Variants in SMAD2 observed in about 807,000 individuals in gnomAD.
SMAD2 encodes SMAD family member 2, also known as MAD homolog 2.
SMAD2 carries 8 observed loss-of-function variants against 64.4 expected under a neutral mutation model. The observed-to-expected ratio is 0.12, with a 90% confidence interval of 0.07 to 0.22. The LOEUF is 0.22. SMAD2 is among the 10% of genes least tolerant of loss of function. The pLI is 1.00. For synonymous variants in SMAD2, 203 were observed against 195.8 expected (o/e 1.04, Z -0.31); for missense variants, 289 against 561.2 (o/e 0.51, Z 4.90).
At position 47,907,306 on chromosome 18, in the gene SMAD2, T is replaced by C. The variant is rs540109965; in HGVS notation, c.-53-10497A>G. Among the ~76,000 whole-genome samples, 5 of 152,244 alleles carry C rather than the reference T, an allele frequency of 3.3e-5. No homozygotes were observed. In the East Asian group the frequency reaches 5.8e-4, roughly 18 times the overall value. On this transcript the variant is annotated intron_variant, in intron 1 of 10. Transcript: ENST00000262160. ...ATCAAAAGAAAACAAATAATTATAG[T>C]GTGCTCATAAAAAGGAATACTGCTC... is the stretch of plus-strand genomic sequence containing the variant.
chr18:47,847,923 G>T (rs1247816188), intron 8 of SMAD2, among the ~76,000 whole-genome samples: 1 of 152,080 alleles, frequency 6.6e-6, no homozygotes, highest in Non-Finnish European at 1.5e-5. Flanking sequence ...CAAACTAGCT[G>T]AAAGGGTTTC....
Position 47,905,648 on chromosome 18 carries a change from T to G in SMAD2, c.-53-8839A>C, listed in dbSNP as rs556043658. 2.6e-5 allele frequency among the ~76,000 whole-genome samples: 4 copies of G among 152,280 alleles called. No individual in the cohort carries two copies. The East Asian group carries it at 7.7e-4, about 29-fold the overall frequency. ...CATATACAGTCAACTCATTTTCCAGTAAGGCCCAAGGTCAATCTAGTTTTC... is the reference window on the plus strand; with the variant it reads ...CATATACAGTCAACTCATTTTCCAGGAAGGCCCAAGGTCAATCTAGTTTTC... On this transcript the variant is annotated intron_variant, in intron 1 of 10. Coordinates refer to ENST00000262160, the MANE Select transcript of SMAD2 (RefSeq NM_005901.6).
chr18:47,908,631 T>A (rs760801966), intron 1 of SMAD2, among the ~76,000 whole-genome samples: 1 of 152,158 alleles, frequency 6.6e-6, no homozygotes, highest in Non-Finnish European at 1.5e-5. Context: ...AGTTGAGAAA[T>A]GTAAACATTC....
rs1442898998 is a variant in SMAD2 at position 47,840,559 on chromosome 18, T to C, written c.*1268A>G. ...TTTTAAAATTCTGAATTCATAATTATGTGTAGAATAACAATCAATTTATAA... is the reference window on the plus strand; with the variant it reads ...TTTTAAAATTCTGAATTCATAATTACGTGTAGAATAACAATCAATTTATAA... On this transcript the variant is annotated 3_prime_UTR_variant, in exon 11 of 11. Coordinates refer to ENST00000262160, the MANE Select transcript of SMAD2 (RefSeq NM_005901.6). 4.3e-6 allele frequency: 1 copy of C among 232,246 alleles called. No homozygotes were observed. The highest frequency in any genetic ancestry group is 2.2e-5 in the African/African-American group (1 of 45,300). The allele number at this position is 232,246 out of a possible 1,614,324, so 14.4% of individuals were successfully genotyped here.
intron 2 of SMAD2, among the ~76,000 whole-genome samples, chr18:47,885,197 C>T (rs28683114): frequency 6.7e-6 from 1 of 149,096 alleles, no homozygotes. Context: ...ACCCTCCCCC[C>T]CCAAGACAGT....
intron 1 of SMAD2, among the ~76,000 whole-genome samples, chr18:47,928,673 C>T (rs533458676): frequency 6.6e-6 from 1 of 152,306 alleles, no homozygotes; most frequent in African/African-American, 2.4e-5. Flanking sequence ...CCACTTATGA[C>T]TAAGTAAACG....
At chr18:47,907,788 C>CA (rs2033964969) in intron 1 of SMAD2, among the ~76,000 whole-genome samples, 1 of 152,072 alleles carries the variant, frequency 6.6e-6, no homozygotes, top group South Asian at 2.1e-4. Context: ...CCTGTCTCTA[C>CA]AAAAAATACA....
At chr18:47,889,519 C>A (rs974149317) in intron 2 of SMAD2, among the ~76,000 whole-genome samples, 2 of 152,006 alleles carry the variant, frequency 1.3e-5, no homozygotes, top group Non-Finnish European at 2.9e-5. Flanking sequence ...CACCTGTAAT[C>A]CCAGCACTTT....
chr18:47,884,192 G>A (rs1792669), intron 2 of SMAD2, among the ~76,000 whole-genome samples: 83,389 of 151,940 alleles, frequency 0.55, 23,342 homozygotes, highest in East Asian at 0.82. Context: ...ATGTAATATA[G>A]GTGACATCAT....
Position 47,820,939 on chromosome 18 carries a change from AC to A in SMAD2, c.*20887del, listed in dbSNP as rs1348159236. On this transcript the variant is annotated 3_prime_UTR_variant, in exon 11 of 11. Coordinates refer to ENST00000262160, the MANE Select transcript of SMAD2 (RefSeq NM_005901.6). ...CACACACACACACACACACACACACACAAAATTTGGTCCCCAATGTTAGAAC... is the reference window on the plus strand; with the variant it reads ...CACACACACACACACACACACACACAAAAATTTGGTCCCCAATGTTAGAAC... The A allele has an allele frequency of 2.2e-5, 3 of 137,988 alleles. No homozygotes were observed. Among genetic ancestry groups the A allele is most frequent in the Admixed American group, 7.5e-5 (1 of 13,394 alleles). 8.5% of individuals were successfully genotyped at this position (137,988 alleles called of 1,614,324 possible).
chr18:47,878,725 C>T (rs533983800), intron 2 of SMAD2, among the ~76,000 whole-genome samples: 3 of 152,202 alleles, frequency 2.0e-5, no homozygotes, highest in Non-Finnish European at 4.4e-5. Flanking sequence ...TCCAACTTCT[C>T]AGATACTTCC....
chr18:47,922,063 T>C (rs1371911690), intron 1 of SMAD2, among the ~76,000 whole-genome samples: 1 of 152,162 alleles, frequency 6.6e-6, no homozygotes, highest in Non-Finnish European at 1.5e-5. Flanking sequence ...AAAATATGTT[T>C]GCAAAGTTGA....
intron 6 of SMAD2, among the ~76,000 whole-genome samples, chr18:47,855,892 C>A (rs756187778): frequency 2.0e-5 from 3 of 152,116 alleles, no homozygotes; most frequent in Non-Finnish European, 4.4e-5. Context: ...ATGAAGACTC[C>A]CTTGTTATGT....
intron 1 of SMAD2, among the ~76,000 whole-genome samples, chr18:47,905,016 G>T (rs2033846131): frequency 6.6e-6 from 1 of 152,032 alleles, no homozygotes; most frequent in Admixed American, 6.5e-5. Context: ...ATTGTAGACA[G>T]GACAACTATG....
At chr18:47,871,483 C>T (rs2031927823) in intron 2 of SMAD2, among the ~76,000 whole-genome samples, 1 of 152,222 alleles carries the variant, frequency 6.6e-6, no homozygotes, top group African/African-American at 2.4e-5. Context: ...GAAGCGCTGG[C>T]TTCCTGTGGC....
chr18:47,870,425 A>ACC, intron 3 of SMAD2, 50 bp downstream of exon 3: 1 of 1,347,392 alleles, frequency 7.4e-7, no homozygotes, highest in Non-Finnish European at 1.1e-6. Flanking sequence ...TTCAAAATAT[A>ACC]CCCCCCTCCC....
intron 5 of SMAD2, chr18:47,866,906 T>C (rs2031604340): frequency 6.6e-6 from 1 of 152,178 alleles, no homozygotes; most frequent in Admixed American, 6.5e-5. Flanking sequence ...TCTTCACAAG[T>C]GAAAGCCACT....
chr18:47,854,649 T>TA (rs1491291927), intron 6 of SMAD2, among the ~76,000 whole-genome samples: 2 of 145,148 alleles, frequency 1.4e-5, no homozygotes, highest in Non-Finnish European at 3.0e-5. Context: ...GGTTTTTTTT[T>TA]AAAAAAAATC....
intron 6 of SMAD2, among the ~76,000 whole-genome samples, chr18:47,858,105 A>G (rs952513709): frequency 7.9e-5 from 12 of 152,210 alleles, no homozygotes; most frequent in African/African-American, 2.2e-4. Context: ...ATTATTATAT[A>G]TACAACACCC....
Sources: allele counts gnomAD v4.1 joint callset (sites outside exome capture counted in the v4.1 genomes callset), GRCh38; gene constraint gnomAD v4.1.1; transcripts MANE v1.5; gene names NCBI Gene and HGNC (gene_info 2026-07-23, HGNC 2026-07-21).